The following ADGB variants were observed in gnomAD, a reference collection of about 807,000 sequenced individuals.
ADGB encodes the protein androglobin.
In ADGB, 172 loss-of-function variants were observed where a neutral mutation model predicts 210.5. The ratio of observed to expected loss-of-function variants is 0.82; its 90% CI spans 0.72 to 0.93. The LOEUF is 0.93. Among genes scored for constraint, ADGB ranks in the 40% least tolerant of loss-of-function variants. ADGB has a pLI of 0.00. For missense variants in ADGB, 2,025 were observed against 1,964.8 expected (o/e 1.03, Z -0.58); for synonymous variants, 658 against 662.7 (o/e 0.99, Z 0.11).
At chr6:146,715,441 T>TC in intron 14 of ADGB, 26 bp downstream of exon 14, 3 of 1,466,252 alleles carry the variant, frequency 2.0e-6, no homozygotes, top group Non-Finnish European at 2.7e-6. Context: ...TCCTGTGACT[T>TC]TTTTCAATGT....
rs1282116015 is a variant in ADGB at position 146,741,223 on chromosome 6, G to A, written c.3129G>A (p.Val1043=). ...HIVNNDTMEQ[V]PKVFQKVVPY... ...TTAATAATGACACAATGGAGCAAGT[G>A]CCAAAGGTGTTCCAAAAAGTGGTGC... Residue 1043 remains valine (V), a synonymous_variant, in exon 25 of 36, where the codon GTG becomes GTA. Transcript: ENST00000397944. 19 of 1,550,938 alleles carry A rather than the reference G, an allele frequency of 1.2e-5. No individual in the cohort carries two copies. Among genetic ancestry groups the A allele is most frequent in the Non-Finnish European group, 1.5e-5 (17 of 1,146,612 alleles).
intron 35 of ADGB, among the ~76,000 whole-genome samples, chr6:146,812,428 T>C (rs1778316313): frequency 1.3e-5 from 2 of 152,236 alleles, no homozygotes; most frequent in African/African-American, 4.8e-5. Context: ...TTTCAGGAAG[T>C]TCAATGTTTA....
At chr6:146,663,381 C>T (rs1775893954) in intron 5 of ADGB, among the ~76,000 whole-genome samples, 1 of 151,326 alleles carries the variant, frequency 6.6e-6, no homozygotes. Context: ...CTGGCAAAGC[C>T]CTGCTCCCTG....
chr6:146,790,530 G>A (rs1350366529), intron 33 of ADGB, among the ~76,000 whole-genome samples: 1 of 152,130 alleles, frequency 6.6e-6, no homozygotes, highest in Non-Finnish European at 1.5e-5. Context: ...TTTTCTGTTT[G>A]TTAAAGGCTG....
intron 33 of ADGB, among the ~76,000 whole-genome samples, chr6:146,798,799 C>T (rs1562304085): frequency 6.6e-6 from 1 of 151,654 alleles, no homozygotes; most frequent in Admixed American, 6.6e-5. Flanking sequence ...CAGTTTTATT[C>T]ACAACAGCAT....
intron 2 of ADGB, among the ~76,000 whole-genome samples, chr6:146,638,130 C>CA (rs1179533168): frequency 6.6e-6 from 1 of 152,002 alleles, no homozygotes; most frequent in Admixed American, 6.6e-5. Flanking sequence ...CAACTAAAGA[C>CA]AAAAACCACA....
chr6:146,788,374 CAT>C lies in ADGB; in HGVS notation c.4316-14_4316-13del, dbSNP rs753737608. On this transcript the variant is annotated splice_polypyrimidine_tract_variant and intron_variant, in intron 32 of 35. Coordinates refer to ENST00000397944, the MANE Select transcript of ADGB (RefSeq NM_024694.4). ...GAACGCCAGCTTTTTCAGTAATGCACATGTCATGTTGTAGTAGAAACAGCTGC... is the reference window on the plus strand; with the variant it reads ...GAACGCCAGCTTTTTCAGTAATGCACGTCATGTTGTAGTAGAAACAGCTGC... The C allele has an allele frequency of 1.7e-5, 27 of 1,548,848 alleles. 1 individual carries two copies. In the East Asian group the frequency reaches 2.4e-4, roughly 14 times the overall value.
At chr6:146,716,134 G>A (rs1776729819) in intron 14 of ADGB, among the ~76,000 whole-genome samples, 1 of 151,864 alleles carries the variant, frequency 6.6e-6, no homozygotes. Flanking sequence ...ACTGTGGGGA[G>A]TGATTAAATG....
chr6:146,815,301 A>G lies in ADGB; in HGVS notation c.*84A>G, dbSNP rs1405754583. 2.8e-6 allele frequency: 3 copies of G among 1,054,186 alleles called. No homozygotes were observed. Among genetic ancestry groups the G allele is most frequent in the Non-Finnish European group, 3.8e-6 (3 of 786,890 alleles). 65.3% of individuals were successfully genotyped at this position (1,054,186 alleles called of 1,614,324 possible). Reference sequence around the variant, plus strand: ...TTTAACTGCCTGCTGTTAAGATATTAGGCCAAATGAAAATAGAAATTTCTC... The same window carrying G: ...TTTAACTGCCTGCTGTTAAGATATTGGGCCAAATGAAAATAGAAATTTCTC... On this transcript the variant is annotated 3_prime_UTR_variant, in exon 36 of 36. Coordinates refer to ENST00000397944, the MANE Select transcript of ADGB (RefSeq NM_024694.4).
chr6:146,718,690 C>T (rs1358130366), intron 16 of ADGB, among the ~76,000 whole-genome samples: 1 of 152,186 alleles, frequency 6.6e-6, no homozygotes, highest in Non-Finnish European at 1.5e-5. Context: ...ACCCAAGCCC[C>T]TAATGATAAT....
chr6:146,706,652 T>C (rs1418874743), intron 13 of ADGB, among the ~76,000 whole-genome samples: 1 of 152,110 alleles, frequency 6.6e-6, no homozygotes, highest in Non-Finnish European at 1.5e-5. Flanking sequence ...AGAAATTTGT[T>C]TCTTCTAGGT....
chr6:146,706,615 A>G (rs951509824), intron 13 of ADGB, among the ~76,000 whole-genome samples: 1 of 152,010 alleles, frequency 6.6e-6, no homozygotes. Flanking sequence ...TTTATGATTC[A>G]GTCTTGGTAA....
intron 10 of ADGB, among the ~76,000 whole-genome samples, chr6:146,690,645 A>G (rs919871653): frequency 6.6e-5 from 10 of 152,192 alleles, no homozygotes; most frequent in African/African-American, 2.4e-4. Context: ...GGAGGAACAC[A>G]TTGTTAGGGG....
At chr6:146,805,749 G>A (rs1778203233) in intron 35 of ADGB, among the ~76,000 whole-genome samples, 1 of 151,784 alleles carries the variant, frequency 6.6e-6, no homozygotes, top group Non-Finnish European at 1.5e-5. Context: ...CTTATCTAGG[G>A]TCACTTATTA....
At chr6:146,612,946 A>G (rs953415404) in intron 1 of ADGB, among the ~76,000 whole-genome samples, 1 of 152,166 alleles carries the variant, frequency 6.6e-6, no homozygotes, top group Non-Finnish European at 1.5e-5. Context: ...GTAACTTTTT[A>G]CACTTACTTC....
In ADGB at chr6:146,764,088, C is replaced by T; in HGVS notation, c.3738C>T (p.Ser1246=). ...CACCCACTAGAGAAGACAGTTCCAG[C>T]ACACCACTGCAGGTATATTAAAAAC... ...TSTPTREDSS[S]TPLQNYKYII... The change falls in exon 28 of 36, where the codon AGC becomes AGT. Residue 1246 remains serine, a synonymous_variant. Transcript: ENST00000397944. 1 of 1,545,714 alleles carries T rather than the reference C, an allele frequency of 6.5e-7. No individual in the cohort carries two copies. Among genetic ancestry groups the T allele is most frequent in the Non-Finnish European group, 8.7e-7 (1 of 1,144,128 alleles).
intron 20 of ADGB, 26 bp from the exon 21 acceptor site, chr6:146,733,094 C>T: frequency 2.0e-6 from 2 of 993,708 alleles, no homozygotes; most frequent in African/African-American, 2.5e-5. Flanking sequence ...TATTTTCTTG[C>T]TATAAAAAAA....
chr6:146,724,261 C>A lies in ADGB; in HGVS notation c.2171C>A (p.Pro724Gln). Reference protein sequence around the residue: ...AETFSWKSLKPGSLVLKIHTY... With the variant: ...AETFSWKSLKQGSLVLKIHTY... ...ACGTTTTCTTGGAAATCCCTGAAAC[C>A]AGGCAGTCTTGTTCTGAAGATTCAC... is the stretch of plus-strand genomic sequence containing the variant. The change falls in exon 18 of 36, where the codon CCA (proline) becomes CAA (glutamine). Residue 724 changes from proline to glutamine, a missense_variant. Physicochemically the swap from Pro to Gln is moderately conservative, Grantham distance 76. Coordinates refer to ENST00000397944, the MANE Select transcript of ADGB (RefSeq NM_024694.4). 1.3e-6 allele frequency: 2 copies of A among 1,551,078 alleles called. No homozygotes were observed. Among genetic ancestry groups the A allele is most frequent in the Non-Finnish European group, 1.7e-6 (2 of 1,146,720 alleles).
chr6:146,655,608 T>C (rs1470406138), intron 4 of ADGB, among the ~76,000 whole-genome samples: 3 of 152,100 alleles, frequency 2.0e-5, no homozygotes, highest in African/African-American at 7.3e-5. Flanking sequence ...TTGACCCATA[T>C]TAAAATCAAA....
Sources: allele counts gnomAD v4.1 joint callset (sites outside exome capture counted in the v4.1 genomes callset), GRCh38; gene constraint gnomAD v4.1.1; transcripts MANE v1.5; gene names NCBI Gene and HGNC (gene_info 2026-07-23, HGNC 2026-07-21).